The following COP1 variants were observed in gnomAD, a reference collection of about 807,000 sequenced individuals.
COP1 encodes COP1 E3 ubiquitin ligase.
COP1 carries 24 observed loss-of-function variants against 101.3 expected under a neutral mutation model. The ratio of observed to expected loss-of-function variants is 0.24; its 90% CI spans 0.17 to 0.33. The LOEUF is 0.33. Ranked by LOEUF, COP1 falls within the 10% of genes least tolerant of loss-of-function variation. COP1 has a pLI of 1.00. For synonymous variants in COP1, 347 were observed against 341.9 expected, an observed-to-expected ratio of 1.01 and a Z score of -0.17; for missense variants, 663 against 906.2, an observed-to-expected ratio of 0.73 and a Z score of 3.45.
intron 15 of COP1, among the ~76,000 whole-genome samples, chr1:176,001,528 T>C (rs923871802): frequency 3.9e-5 from 6 of 152,120 alleles, no homozygotes; most frequent in Admixed American, 2.6e-4. Flanking sequence ...AAAAGCGAGA[T>C]ATTTCGTGGC....
chr1:176,139,288 C>CAAA lies in COP1; in HGVS notation c.832-2744_832-2742dup, dbSNP rs563184945. On this transcript the variant is annotated intron_variant, in intron 6 of 19. Coordinates refer to ENST00000367669, the MANE Select transcript of COP1 (RefSeq NM_022457.7). ...AGTGAAAAAACAAAAACAAAAAAAACAAAAAAAAAAAACAAAAAAAGAGAT... is the reference window on the plus strand; with the variant it reads ...AGTGAAAAAACAAAAACAAAAAAAACAAAAAAAAAAAAAAACAAAAAAAGAGAT... Among the ~76,000 whole-genome samples, 37 of 108,364 alleles carry CAAA rather than the reference C, an allele frequency of 3.4e-4. 1 individual carries two copies. In the South Asian group the frequency reaches 6.7e-3, roughly 20 times the overall value. The allele number at this position is 108,364 out of a possible 152,430, so 71.1% of individuals were successfully genotyped here. A position where few individuals can be genotyped will look rare whatever the true frequency, so the allele number is the denominator to read the frequency against.
At chr1:176,003,234 T>C (rs1048797531) in intron 15 of COP1, among the ~76,000 whole-genome samples, 6 of 152,214 alleles carry the variant, frequency 3.9e-5, no homozygotes, top group Non-Finnish European at 8.8e-5. Flanking sequence ...GAGTTCATTC[T>C]AGATTCTGGA....
At chr1:176,108,245 C>T (rs1015681267) in intron 9 of COP1, among the ~76,000 whole-genome samples, 1 of 152,042 alleles carries the variant, frequency 6.6e-6, no homozygotes, top group Admixed American at 6.5e-5. Flanking sequence ...ACATTTCTGG[C>T]TTCACTTATA....
chr1:175,978,709 T>G (rs908696678), intron 18 of COP1, among the ~76,000 whole-genome samples: 2 of 152,022 alleles, frequency 1.3e-5, no homozygotes, highest in Non-Finnish European at 2.9e-5. Context: ...GGAAATTTTC[T>G]AAAGTGTTAT....
At chr1:176,174,933 A>T (rs1364209006) in intron 3 of COP1, among the ~76,000 whole-genome samples, 1 of 152,178 alleles carries the variant, frequency 6.6e-6, no homozygotes, top group East Asian at 1.9e-4. Context: ...TAACATGCAG[A>T]ATTTTTCTGA....
At chr1:176,044,200 C>T (rs1671102889) in intron 12 of COP1, among the ~76,000 whole-genome samples, 2 of 152,134 alleles carry the variant, frequency 1.3e-5, no homozygotes, top group Admixed American at 6.5e-5. Flanking sequence ...CCCCCTGGAT[C>T]CAGTTGTGCC....
chr1:176,034,395 G>A (rs1260128972), intron 14 of COP1, among the ~76,000 whole-genome samples: 1 of 152,128 alleles, frequency 6.6e-6, no homozygotes, highest in East Asian at 1.9e-4. Flanking sequence ...AATACTCAGA[G>A]TAAAACTCTG....
intron 18 of COP1, among the ~76,000 whole-genome samples, chr1:175,986,127 C>A (rs915938106): frequency 6.6e-6 from 1 of 152,154 alleles, no homozygotes; most frequent in African/African-American, 2.4e-5. Context: ...TGATGCCATT[C>A]TCCTGACTCA....
intron 11 of COP1, among the ~76,000 whole-genome samples, chr1:176,058,582 C>G (rs564051459): frequency 5.4e-4 from 82 of 152,074 alleles, no homozygotes; most frequent in Middle Eastern, 3.4e-3. Context: ...GAGTCATCAC[C>G]ACTCCCTAAT....
intron 15 of COP1, among the ~76,000 whole-genome samples, chr1:176,023,219 A>AC (rs1445912967): frequency 1.3e-5 from 2 of 152,254 alleles, no homozygotes; most frequent in Non-Finnish European, 2.9e-5. Context: ...AATAAGAACT[A>AC]CAACAGCCTT....
chr1:176,164,342 C>G lies in COP1; in HGVS notation c.566-451G>C, dbSNP rs146774429. Among the ~76,000 whole-genome samples the G allele has an allele frequency of 2.6e-3, 400 of 152,254 alleles. 3 individuals are homozygous for G. Among genetic ancestry groups the G allele is most frequent in the African/African-American group, 9.2e-3 (382 of 41,564 alleles). ...CACTTTTAGCTAACTATCCAAAAAC[C>G]ATCCTACTCTTTTTCTTGATAATAA... On this transcript the variant is annotated intron_variant, in intron 3 of 19. Transcript: ENST00000367669.
chr1:176,139,889 A>C (rs1424848900), intron 6 of COP1, among the ~76,000 whole-genome samples: 1 of 152,168 alleles, frequency 6.6e-6, no homozygotes, highest in Non-Finnish European at 1.5e-5. Flanking sequence ...CATACCCCAA[A>C]TTTTAGCATC....
rs1039001272 is a variant in COP1, at chr1:175,947,324, T to C, written c.2134-85A>G. On this transcript the variant is annotated intron_variant, in intron 18 of 19. Transcript: ENST00000367669. ...AGATAATTTCCTCTTCATCCTTCTTTCTTCACTTCAATTCCTAAGACAATT... is the reference window on the plus strand; with the variant it reads ...AGATAATTTCCTCTTCATCCTTCTTCCTTCACTTCAATTCCTAAGACAATT... The C allele has an allele frequency of 3.4e-5, 31 of 900,094 alleles. No individual in the cohort carries two copies. The African/African-American group carries it at 4.2e-4, about 12-fold the overall frequency. The allele number at this position is 900,094 out of a possible 1,614,324, so 55.8% of individuals were successfully genotyped here. A position where few individuals can be genotyped will look rare whatever the true frequency, so the allele number is the denominator to read the frequency against.
At chr1:175,973,224 C>T (rs530612471) in intron 18 of COP1, among the ~76,000 whole-genome samples, 1 of 152,250 alleles carries the variant, frequency 6.6e-6, no homozygotes, top group Admixed American at 6.5e-5. Context: ...GTCTGAATTA[C>T]ACAAATGTCT....
chr1:176,148,921 T>A, intron 6 of COP1, 85 bp downstream of exon 6: 1 of 868,822 alleles, frequency 1.2e-6, no homozygotes, highest in Non-Finnish European at 1.7e-6. Context: ...TTTAAAGAAA[T>A]TTTTTAGCCT....
At chr1:176,002,276 C>A (rs747689088) in intron 15 of COP1, among the ~76,000 whole-genome samples, 10 of 151,914 alleles carry the variant, frequency 6.6e-5, no homozygotes, top group Non-Finnish European at 1.5e-4. Flanking sequence ...ATTCTTTTTT[C>A]TTTGTATTCT....
At chr1:176,039,981 TAAA>T (rs1670234335) in intron 14 of COP1, among the ~76,000 whole-genome samples, 2 of 152,036 alleles carry the variant, frequency 1.3e-5, no homozygotes, top group Admixed American at 6.6e-5. Context: ...ATTAAAAAGT[TAAA>T]AACTCTTAGA....
intron 2 of COP1, among the ~76,000 whole-genome samples, chr1:176,184,010 T>A (rs1219004458): frequency 6.6e-6 from 1 of 152,038 alleles, no homozygotes; most frequent in Admixed American, 6.6e-5. Flanking sequence ...AGATCAATTG[T>A]ACAATAATAT....
At chr1:176,061,389 G>A (rs1674809289) in intron 11 of COP1, among the ~76,000 whole-genome samples, 1 of 152,100 alleles carries the variant, frequency 6.6e-6, no homozygotes, top group South Asian at 2.1e-4. Context: ...GCACTTGGGA[G>A]GCCGAGGTGG....
Sources: allele counts gnomAD v4.1 joint callset (sites outside exome capture counted in the v4.1 genomes callset), GRCh38; gene constraint gnomAD v4.1.1; transcripts MANE v1.5; gene names NCBI Gene and HGNC (gene_info 2026-07-23, HGNC 2026-07-21).